The following PTPRD variants were observed in gnomAD, a reference collection of about 807,000 sequenced individuals.
PTPRD encodes the protein protein tyrosine phosphatase receptor type D, also known as receptor-type tyrosine-protein phosphatase delta.
A neutral mutation model predicts 214.5 loss-of-function variants in PTPRD; 34 were observed. The ratio of observed to expected loss-of-function variants is 0.16; its 90% CI spans 0.12 to 0.21. PTPRD has a LOEUF of 0.21. Among genes scored for constraint, PTPRD ranks in the 10% least tolerant of loss-of-function variants. PTPRD has a pLI of 1.00. For missense variants in PTPRD, 2,545 were observed against 2,398.7 expected (o/e 1.06, Z -1.27); for synonymous variants, 1,128 against 845.7 (o/e 1.33, Z -5.79).
intron 2 of PTPRD, among the ~76,000 whole-genome samples, chr9:10,422,784 T>A (rs547507186): frequency 6.6e-6 from 1 of 152,124 alleles, no homozygotes; most frequent in South Asian, 2.1e-4. Flanking sequence ...AGAATGGCGA[T>A]CATTAAAAAG....
intron 5 of PTPRD, among the ~76,000 whole-genome samples, chr9:9,786,969 C>G (rs2098929176): frequency 6.6e-6 from 1 of 151,974 alleles, no homozygotes; most frequent in Non-Finnish European, 1.5e-5. Flanking sequence ...AACCCCATCT[C>G]TACTAAAGAT....
chr9:9,836,015 T>C (rs189855660), intron 5 of PTPRD, among the ~76,000 whole-genome samples: 6 of 152,288 alleles, frequency 3.9e-5, no homozygotes, highest in African/African-American at 1.4e-4. Context: ...GGCTAATTCT[T>C]CTAGTACAAG....
chr9:8,382,410 G>T (rs886382336), intron 37 of PTPRD, among the ~76,000 whole-genome samples: 9 of 152,168 alleles, frequency 5.9e-5, no homozygotes, highest in Admixed American at 5.9e-4. Context: ...GTCATCAGGA[G>T]CAAAGTTGCA....
At chr9:9,844,475 A>C (rs1478356878) in intron 5 of PTPRD, among the ~76,000 whole-genome samples, 1 of 151,970 alleles carries the variant, frequency 6.6e-6, no homozygotes, top group Non-Finnish European at 1.5e-5. Context: ...CAAAGGGAAC[A>C]ATTGATTTTT....
At chr9:8,675,626 A>G (rs948080581) in intron 12 of PTPRD, among the ~76,000 whole-genome samples, 2 of 150,804 alleles carry the variant, frequency 1.3e-5, no homozygotes, top group African/African-American at 4.9e-5. Flanking sequence ...TATCCAAGAC[A>G]TGATGAAGCC....
intron 2 of PTPRD, among the ~76,000 whole-genome samples, chr9:10,352,227 T>A (rs1240220582): frequency 6.6e-6 from 1 of 152,036 alleles, no homozygotes; most frequent in Non-Finnish European, 1.5e-5. Context: ...TCAAAATACA[T>A]AAAATTACTT....
At chr9:10,134,112 C>T (rs1235310896) in intron 3 of PTPRD, among the ~76,000 whole-genome samples, 1 of 152,110 alleles carries the variant, frequency 6.6e-6, no homozygotes, top group Admixed American at 6.6e-5. Flanking sequence ...CAACACTACC[C>T]TGCCCAGAGG....
chr9:9,192,303 T>C (rs2099935734), intron 9 of PTPRD, among the ~76,000 whole-genome samples: 1 of 151,974 alleles, frequency 6.6e-6, no homozygotes, highest in East Asian at 1.9e-4. Context: ...AAAAATAAAC[T>C]TGAGAGCTGA....
At chr9:8,960,535 TAGA>T (rs1435924835) in intron 11 of PTPRD, among the ~76,000 whole-genome samples, 4 of 152,108 alleles carry the variant, frequency 2.6e-5, no homozygotes, top group Non-Finnish European at 4.4e-5. Context: ...AGTTGGAAGA[TAGA>T]AGAAGATGTC....
At chr9:9,415,914 T>C (rs1041026125) in intron 8 of PTPRD, among the ~76,000 whole-genome samples, 7 of 152,124 alleles carry the variant, frequency 4.6e-5, no homozygotes, top group East Asian at 1.9e-4. Flanking sequence ...CAGAGCATCA[T>C]TGAAGTCCCA....
At chr9:9,255,894 C>A (rs1413647101) in intron 9 of PTPRD, among the ~76,000 whole-genome samples, 3 of 151,996 alleles carry the variant, frequency 2.0e-5, no homozygotes, top group African/African-American at 7.2e-5. Context: ...AGAGAATGTT[C>A]AAACCTCTGA....
At chr9:9,613,173 T>TATAA (rs1554705873) in intron 7 of PTPRD, among the ~76,000 whole-genome samples, 2 of 136,298 alleles carry the variant, frequency 1.5e-5, no homozygotes, top group East Asian at 4.4e-4. Flanking sequence ...TATATATATA[T>TATAA]GATTGCATCA....
intron 8 of PTPRD, among the ~76,000 whole-genome samples, chr9:9,558,559 G>A (rs1010564284): frequency 6.6e-6 from 1 of 152,106 alleles, no homozygotes; most frequent in African/African-American, 2.4e-5. Flanking sequence ...TGGGAATGCA[G>A]GTCCGATACA....
chr9:8,389,513 G>T lies in PTPRD; in HGVS notation c.4211-106C>A, dbSNP rs547621095. 2.9e-4 allele frequency: 228 copies of T among 787,764 alleles called. No homozygotes were observed. The African/African-American group carries it at 3.8e-3, about 13-fold the overall frequency. The allele number at this position is 787,764 out of a possible 1,614,324, so 48.8% of individuals were successfully genotyped here. A position where few individuals can be genotyped will look rare whatever the true frequency, so the allele number is the denominator to read the frequency against. ...TATCTTACTGTTCCACCTCACACTA[G>T]AGAAGTCACAATATATTGAAGGTCG... is the stretch of plus-strand genomic sequence containing the variant. On this transcript the variant is annotated intron_variant, in intron 36 of 45. Coordinates refer to ENST00000381196, the MANE Select transcript of PTPRD (RefSeq NM_002839.4).
Position 9,196,782 on chromosome 9 carries a change from T to TC in PTPRD, c.-202-13420dup, listed in dbSNP as rs545809452. 5.9e-5 allele frequency among the ~76,000 whole-genome samples: 9 copies of TC among 152,224 alleles called. No homozygotes were observed. In the East Asian group the frequency reaches 1.7e-3, roughly 29 times the overall value. On this transcript the variant is annotated intron_variant, in intron 9 of 45. Coordinates refer to ENST00000381196, the MANE Select transcript of PTPRD (RefSeq NM_002839.4). ...TTCCTTACCATAATCTTTATGTGTCTCCCCCTAAAAAAGAGCAAAGCAACA... is the reference window on the plus strand; with the variant it reads ...TTCCTTACCATAATCTTTATGTGTCTCCCCCCTAAAAAAGAGCAAAGCAACA...
At chr9:10,029,919 G>A (rs1346849626) in intron 4 of PTPRD, among the ~76,000 whole-genome samples, 1 of 152,164 alleles carries the variant, frequency 6.6e-6, no homozygotes, top group East Asian at 1.9e-4. Context: ...TGTGTTGTGG[G>A]AGGGACCAGG....
chr9:10,420,938 C>T (rs560326239), intron 2 of PTPRD, among the ~76,000 whole-genome samples: 5 of 151,850 alleles, frequency 3.3e-5, no homozygotes, highest in Non-Finnish European at 7.4e-5. Flanking sequence ...GCTTTCTTCA[C>T]TGAGGAGGCC....
intron 3 of PTPRD, among the ~76,000 whole-genome samples, chr9:10,125,923 G>A (rs1294475668): frequency 2.0e-5 from 3 of 152,034 alleles, no homozygotes; most frequent in Non-Finnish European, 4.4e-5. Flanking sequence ...GTAATATATT[G>A]TGTGACCAAG....
intron 3 of PTPRD, among the ~76,000 whole-genome samples, chr9:10,147,286 T>G (rs1592368373): frequency 6.6e-6 from 1 of 152,188 alleles, no homozygotes; most frequent in East Asian, 1.9e-4. Context: ...TATTATACTT[T>G]AAGTTTTAGG....
Sources: gnomAD v4.1 joint callset for allele counts (sites outside exome capture counted in the v4.1 genomes callset) on GRCh38, gnomAD v4.1.1 for gene constraint, MANE v1.5 for transcripts, NCBI Gene and HGNC (gene_info 2026-07-23, HGNC 2026-07-21) for gene names.